Variants in EDRF1 observed in about 807,000 individuals in gnomAD.
The protein encoded by EDRF1 is erythroid differentiation regulatory factor 1, also known as erythroid differentiation-related factor 1.
EDRF1 carries 69 observed loss-of-function variants against 148.7 expected under a neutral mutation model. That is an observed-to-expected ratio of 0.46 (90% CI 0.38 to 0.57). The LOEUF is 0.57. EDRF1 is among the 20% of genes least tolerant of loss of function. EDRF1 has a pLI of 0.00. For missense variants in EDRF1, 1,118 were observed against 1,478.7 expected (o/e 0.76, Z 4.00); for synonymous variants, 515 against 532.8 (o/e 0.97, Z 0.46).
chr10:125,729,331 T>A, intron 7 of EDRF1, 27 bp from the exon 8 acceptor site: 1 of 1,610,730 alleles, frequency 6.2e-7, no homozygotes, highest in Non-Finnish European at 8.5e-7. Context: ...GACTGTTTAT[T>A]ATAATCCTCC....
chr10:125,720,485 C>A (rs146029993), intron 1 of EDRF1, among the ~76,000 whole-genome samples: 14 of 152,294 alleles, frequency 9.2e-5, no homozygotes, highest in Admixed American at 9.1e-4. Flanking sequence ...TTCTACCAGA[C>A]TATTTTATGA....
intron 24 of EDRF1, chr10:125,756,664 A>G (rs1326053678): frequency 2.2e-5 from 7 of 322,414 alleles, no homozygotes; most frequent in Non-Finnish European, 3.0e-5. Flanking sequence ...TGACCTCCTT[A>G]TTACTACAGA....
chr10:125,724,624 A>G (rs544806118), intron 4 of EDRF1, among the ~76,000 whole-genome samples: 5 of 152,318 alleles, frequency 3.3e-5, no homozygotes, highest in African/African-American at 9.6e-5. Context: ...TAAATGACAC[A>G]TGGCTGTAGT....
In EDRF1 at chr10:125,733,710, C is replaced by T. The variant is rs923075611; in HGVS notation, c.1352C>T (p.Pro451Leu). ...CEETEDKYQNPFTMPVAILLY... is the reference protein window; with the variant it reads ...CEETEDKYQNLFTMPVAILLY... ...GAAACTGAAGACAAATACCAAAATC[C>T]ATTCACAATGCCGGTAGCCATTCTC... Residue 451 changes from proline to leucine, a missense_variant, in exon 11 of 25, where the codon CCA (proline) becomes CTA (leucine). By Grantham distance (98) the Pro-to-Leu change is moderately conservative (BLOSUM62 -3). Around this residue, in one of 3 missense-constraint regions of EDRF1, gnomAD observed 954 missense variants for 1,241.4 expected, o/e 0.77. Coordinates refer to ENST00000356792, the MANE Select transcript of EDRF1 (RefSeq NM_001202438.2). 3.3e-5 allele frequency: 54 copies of T among 1,613,274 alleles called. No individual in the cohort carries two copies. The highest frequency in any genetic ancestry group is 3.9e-5 in the Non-Finnish European group (46 of 1,179,470).
Position 125,725,414 on chromosome 10 carries a change from G to T in EDRF1, c.607G>T (p.Ala203Ser). The T allele has an allele frequency of 6.2e-7, 1 of 1,613,954 alleles. No individual in the cohort carries two copies. Reference sequence around the variant, plus strand: ...GAGCAAAGAGCACTGGTATCAAAAGGCAATTCTTTCCAAGTTTTTATATTA... The same window carrying T: ...GAGCAAAGAGCACTGGTATCAAAAGTCAATTCTTTCCAAGTTTTTATATTA... ...KKSKEHWYQK[A>S]ILSKFLYYSI... is the part of the protein sequence containing the mutation. Residue 203 changes from alanine to serine, a missense_variant, in exon 5 of 25, where the codon GCA becomes TCA. Ala to Ser is a moderately conservative substitution (Grantham distance 99). Coordinates refer to ENST00000356792, the MANE Select transcript of EDRF1 (RefSeq NM_001202438.2).
intron 19 of EDRF1, 99 bp from the exon 20 acceptor site, chr10:125,747,437 A>C: frequency 7.7e-7 from 1 of 1,301,252 alleles, no homozygotes; most frequent in Non-Finnish European, 1.1e-6. Context: ...CCCAAAATTA[A>C]ATTAACATCT....
At chr10:125,719,963 A>C (rs755489280) in intron 1 of EDRF1, 48 bp downstream of exon 1, 1 of 1,524,066 alleles carries the variant, frequency 6.6e-7, no homozygotes, top group African/African-American at 1.4e-5. Flanking sequence ...GGAGCGGAGG[A>C]CCCGCTCCAC....
chr10:125,750,497 A>G (rs180698596), intron 22 of EDRF1: 1 of 152,360 alleles, frequency 6.6e-6, no homozygotes, highest in East Asian at 1.9e-4. Flanking sequence ...TGGTAAAGAA[A>G]CAAGAAACAA....
intron 22 of EDRF1, among the ~76,000 whole-genome samples, chr10:125,751,417 T>TG (rs200051243): frequency 0.015 from 2,192 of 146,226 alleles, 50 homozygotes; most frequent in African/African-American, 0.052. Flanking sequence ...TTTTTTTTTG[T>TG]TTTTTTTTTC....
intron 23 of EDRF1, among the ~76,000 whole-genome samples, chr10:125,753,135 TCAA>T (rs1849724318): frequency 6.6e-6 from 1 of 152,274 alleles, no homozygotes; most frequent in Non-Finnish European, 1.5e-5. Context: ...AGAATATATC[TCAA>T]CAAGACCATA....
chr10:125,729,451 AG>A lies in EDRF1; in HGVS notation c.989del (p.Arg330AsnfsTer19). 4 of 1,614,184 alleles carry A rather than the reference AG, an allele frequency of 2.5e-6. No individual in the cohort carries two copies. In the South Asian group the frequency reaches 4.4e-5, roughly 18 times the overall value. ...GSNMPIFGGG[R>X]YPAVSLRLRD... is the part of the protein sequence containing the mutation. ...CAACATGCCCATATTTGGAGGAGGC[AG>A]ATACCCAGCAGTCAGCTTACGTCTC... On this transcript the variant is annotated frameshift_variant, in exon 8 of 25. Coordinates refer to ENST00000356792, the MANE Select transcript of EDRF1 (RefSeq NM_001202438.2). LOFTEE classifies it high-confidence loss of function.
intron 17 of EDRF1, 132 bp from the exon 18 acceptor site, chr10:125,742,926 T>A: frequency 7.1e-7 from 1 of 1,403,830 alleles, no homozygotes. Context: ...ATTGTTGTAT[T>A]GATTGAATCT....
intron 2 of EDRF1, 44 bp from the exon 3 acceptor site, chr10:125,723,024 A>G (rs1414919528): frequency 6.8e-7 from 1 of 1,469,490 alleles, no homozygotes; most frequent in Non-Finnish European, 9.5e-7. Flanking sequence ...TTGCATGATT[A>G]TGAGCATGAC....
intron 15 of EDRF1, 128 bp from the exon 16 acceptor site, chr10:125,740,335 G>T: frequency 1.0e-6 from 1 of 976,196 alleles, no homozygotes; most frequent in Non-Finnish European, 1.6e-6. Flanking sequence ...AAGCAGTAAA[G>T]CATAGTATTT....
intron 24 of EDRF1, among the ~76,000 whole-genome samples, chr10:125,761,594 C>G (rs1850197610): frequency 1.3e-5 from 2 of 152,066 alleles, no homozygotes; most frequent in African/African-American, 4.8e-5. Context: ...TAAGTTAGTT[C>G]CCTTTAGAAA....
At chr10:125,760,719 A>G (rs1196751701) in intron 24 of EDRF1, among the ~76,000 whole-genome samples, 2 of 152,246 alleles carry the variant, frequency 1.3e-5, no homozygotes, top group Non-Finnish European at 2.9e-5. Flanking sequence ...CAATATAGAG[A>G]GAAATCAGAA....
intron 9 of EDRF1, chr10:125,731,827 G>T: frequency 4.5e-6 from 2 of 441,528 alleles, no homozygotes; most frequent in Non-Finnish European, 4.6e-6. Flanking sequence ...GCACTTTGCT[G>T]AATGCTTTAA....
Position 125,729,493 on chromosome 10 carries a change from A to G in EDRF1, c.1016+14A>G, listed in dbSNP as rs372512533. On this transcript the variant is annotated intron_variant, in intron 8 of 24. Coordinates refer to ENST00000356792, the MANE Select transcript of EDRF1 (RefSeq NM_001202438.2). ...CTTACGTCTCAGGTGAACTAACATCATACCCCTCCTCAAGCTTATGGTATT... is the reference window on the plus strand; with the variant it reads ...CTTACGTCTCAGGTGAACTAACATCGTACCCCTCCTCAAGCTTATGGTATT... The G allele has an allele frequency of 5.6e-6, 9 of 1,614,022 alleles. No individual in the cohort carries two copies. The African/African-American group carries it at 6.7e-5, about 12-fold the overall frequency.
At chr10:125,729,128 G>A in intron 7 of EDRF1, 24 bp downstream of exon 7, 1 of 1,540,254 alleles carries the variant, frequency 6.5e-7, no homozygotes, top group Non-Finnish European at 8.7e-7. Context: ...GGTGTCCAAG[G>A]TGACAGCAAA....
Sources: gnomAD v4.1 joint callset for allele counts (sites outside exome capture counted in the v4.1 genomes callset) on GRCh38, gnomAD v4.1.1 for gene constraint, gnomAD v4.1.1 regional missense constraint, MANE v1.5 for transcripts, NCBI Gene and HGNC (gene_info 2026-07-23, HGNC 2026-07-21) for gene names.